Variants in GNAT3 observed in about 807,000 individuals in gnomAD.
GNAT3 encodes the protein G protein subunit alpha transducin 3.
In GNAT3, 31 loss-of-function variants were observed where a neutral mutation model predicts 37.7. The ratio of observed to expected loss-of-function variants is 0.82; its 90% CI spans 0.62 to 1.11. The LOEUF is 1.11. GNAT3 is among the 50% of genes most tolerant of loss of function. The probability of loss-of-function intolerance (pLI) is 0.00; values close to 1 mark genes in which losing one functional copy is unlikely to be tolerated. For synonymous variants in GNAT3, 138 were observed against 139.8 expected (o/e 0.99, Z 0.09); for missense variants, 437 against 412.5 (o/e 1.06, Z -0.51).
intron 1 of GNAT3, among the ~76,000 whole-genome samples, chr7:80,497,195 T>A (rs1193450609): frequency 1.3e-5 from 2 of 152,172 alleles, no homozygotes; most frequent in East Asian, 1.9e-4. Flanking sequence ...GAGGCTGCAA[T>A]GCCCAAGAAT....
At chr7:80,469,267 C>G (rs918123221) in intron 5 of GNAT3, among the ~76,000 whole-genome samples, 4 of 152,096 alleles carry the variant, frequency 2.6e-5, no homozygotes, top group Admixed American at 1.3e-4. Context: ...TAATTGTTAA[C>G]CTTTTTTCCT....
intron 1 of GNAT3, among the ~76,000 whole-genome samples, chr7:80,503,968 A>G (rs1790883424): frequency 1.3e-5 from 2 of 152,218 alleles, no homozygotes. Context: ...GCAAGCTTCA[A>G]TGAAGAGAGG....
In GNAT3 at chr7:80,495,609, A is replaced by T. The variant is rs541709616; in HGVS notation, c.119-962T>A. 9.2e-5 allele frequency among the ~76,000 whole-genome samples: 14 copies of T among 152,014 alleles called. No homozygotes were observed. The East Asian group carries it at 2.7e-3, about 30-fold the overall frequency. ...CTTAGCCTCCCGAGTACCTGGGATTACAGGCGCATGCCACCATGCCTGGCT... is the reference window on the plus strand; with the variant it reads ...CTTAGCCTCCCGAGTACCTGGGATTTCAGGCGCATGCCACCATGCCTGGCT... On this transcript the variant is annotated intron_variant, in intron 1 of 7. Transcript: ENST00000398291.
intron 3 of GNAT3, chr7:80,487,773 T>G (rs1790516939): frequency 6.6e-6 from 1 of 152,158 alleles, no homozygotes; most frequent in Non-Finnish European, 1.5e-5. Context: ...AGGGGACATA[T>G]GGAAGTGGGT....
At chr7:80,464,662 C>T (rs967423555) in intron 5 of GNAT3, among the ~76,000 whole-genome samples, 1 of 151,896 alleles carries the variant, frequency 6.6e-6, no homozygotes, top group Non-Finnish European at 1.5e-5. Flanking sequence ...TATTAAGTAC[C>T]AAAAAGCATC....
At chr7:80,493,623 C>CCTCCTCCTCT in intron 2 of GNAT3, among the ~76,000 whole-genome samples, 1 of 103,634 alleles carries the variant, frequency 9.6e-6, no homozygotes, top group Non-Finnish European at 1.9e-5. Context: ...CCTCTTTCCT[C>CCTCCTCCTCT]TTCCTCCTCC....
chr7:80,482,474 T>C (rs1471139805), intron 3 of GNAT3, among the ~76,000 whole-genome samples: 1 of 151,940 alleles, frequency 6.6e-6, no homozygotes, highest in Non-Finnish European at 1.5e-5. Flanking sequence ...TTATTTTCTT[T>C]TTCTTTTTTC....
intron 3 of GNAT3, among the ~76,000 whole-genome samples, chr7:80,480,959 C>T (rs75068980): frequency 0.018 from 2,703 of 152,180 alleles, 33 homozygotes; most frequent in Non-Finnish European, 0.028. Flanking sequence ...GATGAAGTTG[C>T]TCTGGTTCAA....
chr7:80,463,874 T>G (rs2116141136), intron 5 of GNAT3, among the ~76,000 whole-genome samples: 1 of 142,110 alleles, frequency 7.0e-6, no homozygotes, highest in African/African-American at 2.6e-5. Context: ...ATGTGTAAGT[T>G]ATCAAGGCAT....
chr7:80,469,050 G>GA (rs1790167564), intron 5 of GNAT3, among the ~76,000 whole-genome samples: 2 of 151,984 alleles, frequency 1.3e-5, no homozygotes, highest in Admixed American at 1.3e-4. Context: ...ATAAAGACTA[G>GA]GAAAGCCAAA....
chr7:80,474,105 G>A (rs1412488790), intron 5 of GNAT3, 146 bp downstream of exon 5: 3 of 699,996 alleles, frequency 4.3e-6, no homozygotes, highest in Non-Finnish European at 7.1e-6. Flanking sequence ...GGACAGTAAA[G>A]GACAGCGGTA....
chr7:80,478,733 A>G (rs1790343511), intron 4 of GNAT3, 108 bp downstream of exon 4: 2 of 1,059,620 alleles, frequency 1.9e-6, no homozygotes, highest in South Asian at 3.1e-5. Context: ...ATAAAATGTA[A>G]CACCATTTAT....
rs936449291 is a variant in GNAT3, at chr7:80,474,888, G to A, written c.462-509C>T. ...TTTAGGCATTTTCGGTTTTATGAGA[G>A]TGATTGGTTCGAATGTACTAATTTG... On this transcript the variant is annotated intron_variant, in intron 4 of 7. Coordinates refer to ENST00000398291, the MANE Select transcript of GNAT3 (RefSeq NM_001102386.3). Among the ~76,000 whole-genome samples, 5 of 152,100 alleles carry A rather than the reference G, an allele frequency of 3.3e-5. No homozygotes were observed. In the East Asian group the frequency reaches 7.7e-4, roughly 23 times the overall value.
chr7:80,490,109 T>C (rs559350306), intron 2 of GNAT3, among the ~76,000 whole-genome samples: 1 of 152,296 alleles, frequency 6.6e-6, no homozygotes, highest in African/African-American at 2.4e-5. Flanking sequence ...GCTTTTACTG[T>C]GCATTTTCTG....
intron 4 of GNAT3, among the ~76,000 whole-genome samples, chr7:80,474,735 T>C (rs1325143136): frequency 1.3e-5 from 2 of 152,186 alleles, no homozygotes; most frequent in South Asian, 2.1e-4. Flanking sequence ...GTTTGTGTGA[T>C]AAATTTGCTT....
intron 5 of GNAT3, among the ~76,000 whole-genome samples, chr7:80,466,092 G>A (rs1021690721): frequency 6.6e-6 from 1 of 151,982 alleles, no homozygotes; most frequent in Non-Finnish European, 1.5e-5. Flanking sequence ...CACCTCAGGG[G>A]GGGAAAATAA....
intron 3 of GNAT3, chr7:80,486,502 G>C (rs2116186387): frequency 6.6e-6 from 1 of 151,078 alleles, no homozygotes; most frequent in Non-Finnish European, 1.5e-5. Flanking sequence ...CTGGAGTGCA[G>C]TGGCGCCATC....
rs762325597 is a variant in GNAT3, at chr7:80,462,564, A to C, written c.658T>G (p.Cys220Gly). 3.7e-6 allele frequency: 6 copies of C among 1,612,970 alleles called. No homozygotes were observed. The highest frequency in any genetic ancestry group is 5.1e-6 in the Non-Finnish European group (6 of 1,178,998). ...KWIHCFEGVT[C>G]IIFCAALSAY... Reference sequence around the variant, plus strand: ...CTAAGTGCAGCACAAAATATAATGCATGTAACTCCTTCAAAGCAGTGAATC... The same window carrying C: ...CTAAGTGCAGCACAAAATATAATGCCTGTAACTCCTTCAAAGCAGTGAATC... The change falls in exon 6 of 8, where the codon TGC becomes GGC. Residue 220 changes from cysteine to glycine, a missense_variant. Coordinates refer to ENST00000398291, the MANE Select transcript of GNAT3 (RefSeq NM_001102386.3).
chr7:80,484,280 A>C (rs1790440412), intron 3 of GNAT3, among the ~76,000 whole-genome samples: 1 of 152,156 alleles, frequency 6.6e-6, no homozygotes, highest in South Asian at 2.1e-4. Flanking sequence ...AAGGAAGACT[A>C]TATAGTTTAC....
Sources: allele counts gnomAD v4.1 joint callset (sites outside exome capture counted in the v4.1 genomes callset), GRCh38; gene constraint gnomAD v4.1.1; transcripts MANE v1.5; gene names NCBI Gene and HGNC (gene_info 2026-07-23, HGNC 2026-07-21).